PRKN: variants seen among roughly 807,000 people sequenced by gnomAD.
The protein encoded by PRKN is parkin RBR E3 ubiquitin protein ligase.
PRKN carries 56 observed loss-of-function variants against 59.5 expected under a neutral mutation model. The observed-to-expected ratio is 0.94, with a 90% CI of 0.76 to 1.18. The LOEUF (loss-of-function observed/expected upper bound fraction) is 1.18. PRKN is among the 50% of genes most tolerant of loss of function. The pLI is 0.00. For synonymous variants in PRKN, 250 were observed against 222.1 expected, an observed-to-expected ratio of 1.13 and a Z score of -1.12; for missense variants, 657 against 596.4, an observed-to-expected ratio of 1.10 and a Z score of -1.06.
At chr6:161,940,800 A>T (rs1448275026) in intron 6 of PRKN, among the ~76,000 whole-genome samples, 1 of 152,190 alleles carries the variant, frequency 6.6e-6, no homozygotes, top group Non-Finnish European at 1.5e-5. Context: ...GCAGGCGCAC[A>T]ATCTACAATG....
intron 1 of PRKN, among the ~76,000 whole-genome samples, chr6:162,495,609 C>T (rs995034303): frequency 1.6e-4 from 24 of 152,182 alleles, no homozygotes; most frequent in Non-Finnish European, 3.2e-4. Flanking sequence ...CAGTGTGATA[C>T]CTAAAGAGCA....
intron 3 of PRKN, among the ~76,000 whole-genome samples, chr6:162,254,513 T>A (rs1273798629): frequency 6.6e-6 from 1 of 151,500 alleles, no homozygotes; most frequent in African/African-American, 2.4e-5. Flanking sequence ...CAGTTCCCAG[T>A]GTGTTGTTTG....
intron 1 of PRKN, among the ~76,000 whole-genome samples, chr6:162,598,708 C>A (rs921883765): frequency 6.6e-6 from 1 of 151,930 alleles, no homozygotes; most frequent in Non-Finnish European, 1.5e-5. Flanking sequence ...CAAAAATTAG[C>A]TGGGTGTGGT....
intron 1 of PRKN, among the ~76,000 whole-genome samples, chr6:162,493,491 C>A (rs1259385150): frequency 6.6e-6 from 1 of 152,070 alleles, no homozygotes; most frequent in African/African-American, 2.4e-5. Flanking sequence ...CTATAAGGTA[C>A]TCAGAGAAAA....
At chr6:162,558,530 T>G (rs1779705787) in intron 1 of PRKN, among the ~76,000 whole-genome samples, 1 of 152,072 alleles carries the variant, frequency 6.6e-6, no homozygotes, top group South Asian at 2.1e-4. Flanking sequence ...GGTTTCTCCA[T>G]GTTGGTCAGG....
Position 162,587,086 on chromosome 6 carries a change from T to C in PRKN, c.7+140576A>G, listed in dbSNP as rs560495063. On this transcript the variant is annotated intron_variant, in intron 1 of 11. Coordinates refer to ENST00000366898, the MANE Select transcript of PRKN (RefSeq NM_004562.3). ...AAAGAACTACATTTTAACAAACATT[T>C]AATTAAAATGTTTTTATAAGAACAT... is the stretch of plus-strand genomic sequence containing the variant. Among the ~76,000 whole-genome samples the C allele has an allele frequency of 1.8e-4, 27 of 152,334 alleles. 2 individuals carry two copies. The South Asian group carries it at 5.6e-3, about 32-fold the overall frequency.
intron 1 of PRKN, among the ~76,000 whole-genome samples, chr6:162,535,445 C>A (rs533651867): frequency 5.7e-4 from 86 of 152,014 alleles, no homozygotes; most frequent in African/African-American, 2.0e-3. Context: ...TATATAATGA[C>A]CTCATGCAAG....
intron 3 of PRKN, among the ~76,000 whole-genome samples, chr6:162,208,810 T>C (rs1299381893): frequency 2.0e-5 from 3 of 152,124 alleles, no homozygotes; most frequent in Non-Finnish European, 4.4e-5. Flanking sequence ...ATGTGTCCAG[T>C]TTCCTCACAA....
At chr6:162,063,084 C>T (rs763976320) in intron 4 of PRKN, among the ~76,000 whole-genome samples, 2 of 152,110 alleles carry the variant, frequency 1.3e-5, no homozygotes, top group African/African-American at 4.8e-5. Flanking sequence ...TGTAAGGACA[C>T]AGAAGGCTCT....
At chr6:162,347,674 A>G (rs1440365839) in intron 2 of PRKN, among the ~76,000 whole-genome samples, 1 of 152,148 alleles carries the variant, frequency 6.6e-6, no homozygotes, top group Non-Finnish European at 1.5e-5. Context: ...TATTGCTTAA[A>G]TTTTATCTAT....
At chr6:161,742,114 C>T (rs1447407831) in intron 7 of PRKN, among the ~76,000 whole-genome samples, 2 of 152,218 alleles carry the variant, frequency 1.3e-5, no homozygotes, top group African/African-American at 2.4e-5. Flanking sequence ...GGATTACAGG[C>T]GTGCACCACC....
intron 7 of PRKN, among the ~76,000 whole-genome samples, chr6:161,683,036 C>T (rs1425343943): frequency 2.6e-5 from 4 of 152,162 alleles, no homozygotes; most frequent in Non-Finnish European, 5.9e-5. Context: ...CTAAAAGCAA[C>T]AAGGAGCAGC....
intron 1 of PRKN, among the ~76,000 whole-genome samples, chr6:162,527,925 C>G (rs1032667400): frequency 6.6e-5 from 10 of 151,862 alleles, no homozygotes; most frequent in African/African-American, 2.4e-4. Context: ...CAGCCTGGGC[C>G]TCCTTCCACC....
intron 4 of PRKN, among the ~76,000 whole-genome samples, chr6:162,131,935 C>G (rs1413870578): frequency 2.5e-4 from 38 of 152,152 alleles, no homozygotes; most frequent in Non-Finnish European, 1.5e-5. Flanking sequence ...AAGGACATCA[C>G]GGGCTGGGCA....
At chr6:161,564,583 T>C (rs1311774385) in intron 8 of PRKN, among the ~76,000 whole-genome samples, 1 of 152,178 alleles carries the variant, frequency 6.6e-6, no homozygotes, top group Non-Finnish European at 1.5e-5. Context: ...GTGTCTGCAA[T>C]CCCAGTACCA....
chr6:161,710,684 A>G (rs540645507), intron 7 of PRKN, among the ~76,000 whole-genome samples: 1 of 152,260 alleles, frequency 6.6e-6, no homozygotes, highest in South Asian at 2.1e-4. Flanking sequence ...AGCCAAAGCT[A>G]GCTGCTCACC....
chr6:161,510,479 C>T (rs568823579), intron 9 of PRKN, among the ~76,000 whole-genome samples: 12 of 152,228 alleles, frequency 7.9e-5, no homozygotes, highest in Admixed American at 2.6e-4. Context: ...TAATCTGAGA[C>T]CAACGCGAAG....
chr6:161,469,205 A>AT (rs1358026219), intron 9 of PRKN, among the ~76,000 whole-genome samples: 5 of 152,178 alleles, frequency 3.3e-5, no homozygotes, highest in Non-Finnish European at 5.9e-5. Flanking sequence ...TGGGGGTGGT[A>AT]TCCCCCAGGC....
intron 1 of PRKN, among the ~76,000 whole-genome samples, chr6:162,508,835 C>T (rs1029493337): frequency 6.6e-6 from 1 of 152,046 alleles, no homozygotes; most frequent in South Asian, 2.1e-4. Flanking sequence ...CTGGGTGACA[C>T]AGCAAGACCC....
Sources: allele counts gnomAD v4.1 joint callset (sites outside exome capture counted in the v4.1 genomes callset), GRCh38; gene constraint gnomAD v4.1.1; transcripts MANE v1.5; gene names NCBI Gene and HGNC (gene_info 2026-07-23, HGNC 2026-07-21).